Variants in FAT3 observed in about 807,000 individuals in gnomAD.
The protein encoded by FAT3 is protocadherin Fat 3.
A neutral mutation model predicts 310.2 loss-of-function variants in FAT3; 95 were observed. The ratio of observed to expected loss-of-function variants is 0.31; its 90% CI spans 0.26 to 0.36. The LOEUF is 0.36. FAT3 is among the 10% of genes least tolerant of loss of function. The probability of loss-of-function intolerance (pLI) is 1.00; values close to 1 mark genes in which losing one functional copy is unlikely to be tolerated. For missense variants in FAT3, 5,408 were observed against 5,715.6 expected (o/e 0.95, Z 1.74); for synonymous variants, 2,314 against 2,192.9 (o/e 1.06, Z -1.54).
chr11:92,486,129 G>GT (rs1565353395), intron 2 of FAT3, among the ~76,000 whole-genome samples: 7 of 27,666 alleles, frequency 2.5e-4, no homozygotes, highest in Admixed American at 6.8e-4. Flanking sequence ...AGGCTGCTGG[G>GT]GTTTTTTTTT....
Position 92,866,667 on chromosome 11 carries a change from G to A in FAT3, c.11659-74G>A. ...GCTTTCTTGTGAAGCCCCCGGGCCG[G>A]CCAGGAGCAGGGTGTAGGGAACATA... On this transcript the variant is annotated intron_variant, in intron 21 of 27. Transcript: ENST00000525166. 3 of 1,370,066 alleles carry A rather than the reference G, an allele frequency of 2.2e-6. No homozygotes were observed. The South Asian group carries it at 4.2e-5, about 19-fold the overall frequency. 84.9% of individuals were successfully genotyped at this position (1,370,066 alleles called of 1,614,324 possible).
Position 92,544,637 on chromosome 11 carries a change from G to C in FAT3, c.3607+19689G>C, listed in dbSNP as rs189129574. ...GTACTAAATTGCACTATAAAAGCAGGACTTTTAACAGGGTCAGCTGTAGCA... is the reference window on the plus strand; with the variant it reads ...GTACTAAATTGCACTATAAAAGCAGCACTTTTAACAGGGTCAGCTGTAGCA... On this transcript the variant is annotated intron_variant, in intron 3 of 27. Coordinates refer to ENST00000525166, the MANE Select transcript of FAT3 (RefSeq NM_001367949.2). Among the ~76,000 whole-genome samples, 288 of 152,240 alleles carry C rather than the reference G, an allele frequency of 1.9e-3. 2 individuals are homozygous for C. The highest frequency in any genetic ancestry group is 6.6e-3 in the African/African-American group (276 of 41,544).
At chr11:92,567,635 C>G (rs1955510524) in intron 3 of FAT3, among the ~76,000 whole-genome samples, 2 of 152,020 alleles carry the variant, frequency 1.3e-5, no homozygotes, top group Middle Eastern at 3.4e-3. Flanking sequence ...TGGAACCAAC[C>G]TAAATGTCCA....
chr11:92,777,042 G>T (rs1946615997), intron 7 of FAT3, among the ~76,000 whole-genome samples: 1 of 152,156 alleles, frequency 6.6e-6, no homozygotes, highest in African/African-American at 2.4e-5. Flanking sequence ...GAAATAAAAG[G>T]CATTCTGAAT....
intron 2 of FAT3, among the ~76,000 whole-genome samples, chr11:92,514,308 A>C (rs948153201): frequency 6.6e-6 from 1 of 152,218 alleles, no homozygotes; most frequent in Non-Finnish European, 1.5e-5. Context: ...CAGCAAATAA[A>C]GATAAAAACA....
At chr11:92,533,517 G>A (rs1180241150) in intron 3 of FAT3, among the ~76,000 whole-genome samples, 1 of 152,266 alleles carries the variant, frequency 6.6e-6, no homozygotes, top group East Asian at 1.9e-4. Context: ...GAGTTAACAG[G>A]ATTGTTACTT....
At chr11:92,238,497 G>C (rs2134245867) in intron 1 of FAT3, among the ~76,000 whole-genome samples, 1 of 152,104 alleles carries the variant, frequency 6.6e-6, no homozygotes, top group East Asian at 1.9e-4. Context: ...GGTTTTGTTT[G>C]TTTGTTTTGT....
intron 13 of FAT3, among the ~76,000 whole-genome samples, chr11:92,823,811 C>T (rs576578147): frequency 6.6e-6 from 1 of 152,262 alleles, no homozygotes; most frequent in South Asian, 2.1e-4. Context: ...TTTTAAAAGG[C>T]ACTTAAAACA....
At chr11:92,316,672 C>T (rs551208150) in intron 1 of FAT3, among the ~76,000 whole-genome samples, 1 of 152,198 alleles carries the variant, frequency 6.6e-6, no homozygotes, top group East Asian at 1.9e-4. Context: ...GCATGATGCC[C>T]ACCTTTTCTT....
intron 13 of FAT3, among the ~76,000 whole-genome samples, chr11:92,824,214 G>A (rs549875092): frequency 3.3e-5 from 5 of 152,028 alleles, no homozygotes; most frequent in African/African-American, 1.2e-4. Flanking sequence ...AAAATTAGCC[G>A]GGCATGGTGG....
At chr11:92,658,100 A>G (rs987313280) in intron 3 of FAT3, among the ~76,000 whole-genome samples, 1 of 152,250 alleles carries the variant, frequency 6.6e-6, no homozygotes. Context: ...AAGATATTTT[A>G]CATTTTTATA....
chr11:92,326,565 AT>A (rs1356074182), intron 1 of FAT3, among the ~76,000 whole-genome samples: 2 of 152,186 alleles, frequency 1.3e-5, no homozygotes, highest in African/African-American at 4.8e-5. Flanking sequence ...TCTTCCTTTC[AT>A]TGCCTCCATC....
intron 3 of FAT3, among the ~76,000 whole-genome samples, chr11:92,587,002 A>T (rs1476844997): frequency 6.6e-6 from 1 of 152,060 alleles, no homozygotes; most frequent in Non-Finnish European, 1.5e-5. Context: ...GCAAAGCCAT[A>T]TAAGAGATTT....
chr11:92,368,024 A>C lies in FAT3; in HGVS notation c.3292+12620A>C, dbSNP rs550402700. Among the ~76,000 whole-genome samples, 15 of 152,358 alleles carry C rather than the reference A, an allele frequency of 9.8e-5. No individual in the cohort carries two copies. In the South Asian group the frequency reaches 2.9e-3, roughly 29 times the overall value. ...CAAGGAAAACAATCACAGCAACTTA[A>C]AAGTTTGAAAGTCAACAAATATGAC... On this transcript the variant is annotated intron_variant, in intron 2 of 27. Coordinates refer to ENST00000525166, the MANE Select transcript of FAT3 (RefSeq NM_001367949.2).
chr11:92,501,635 C>G (rs1226378313), intron 2 of FAT3, among the ~76,000 whole-genome samples: 1 of 151,566 alleles, frequency 6.6e-6, no homozygotes, highest in Non-Finnish European at 1.5e-5. Flanking sequence ...TGTTTTCCTC[C>G]TGTCTTTCTC....
intron 1 of FAT3, among the ~76,000 whole-genome samples, chr11:92,339,771 A>G (rs1031133015): frequency 3.3e-5 from 5 of 152,076 alleles, no homozygotes; most frequent in African/African-American, 1.2e-4. Flanking sequence ...TAGGATCAAA[A>G]AAAGGCCAGT....
chr11:92,552,951 C>CAA (rs374618399), intron 3 of FAT3, among the ~76,000 whole-genome samples: 40 of 47,740 alleles, frequency 8.4e-4, no homozygotes, highest in African/African-American at 2.6e-3. Flanking sequence ...CACGTTCAAA[C>CAA]AAAAAAAAAT....
intron 3 of FAT3, among the ~76,000 whole-genome samples, chr11:92,682,783 T>A (rs551813984): frequency 1.3e-5 from 2 of 152,186 alleles, no homozygotes; most frequent in East Asian, 3.9e-4. Flanking sequence ...AAGTGCTATT[T>A]AAATGGTATC....
At chr11:92,495,298 T>C (rs1011966807) in intron 2 of FAT3, among the ~76,000 whole-genome samples, 3 of 151,992 alleles carry the variant, frequency 2.0e-5, no homozygotes, top group Admixed American at 6.6e-5. Flanking sequence ...GGTCACACAG[T>C]TAATTAGTGA....
Sources: gnomAD v4.1 joint callset for allele counts (sites outside exome capture counted in the v4.1 genomes callset) on GRCh38, gnomAD v4.1.1 for gene constraint, MANE v1.5 for transcripts, NCBI Gene and HGNC (gene_info 2026-07-23, HGNC 2026-07-21) for gene names.